The following KCNK9 variants were observed in gnomAD, a reference collection of about 807,000 sequenced individuals.
KCNK9 encodes potassium channel subfamily K member 9.
A neutral mutation model predicts 10.8 loss-of-function variants in KCNK9; 1 was observed. The ratio of observed to expected loss-of-function variants is 0.09; its 90% CI spans 0.03 to 0.44. The LOEUF is 0.44. Among genes scored for constraint, KCNK9 ranks in the 20% least tolerant of loss-of-function variants. The pLI, the probability that KCNK9 is intolerant of heterozygous loss-of-function variation, is 0.97. For synonymous variants in KCNK9, 231 were observed against 222.7 expected (o/e 1.04, Z -0.33); for missense variants, 303 against 515.0 (o/e 0.59, Z 3.98).
rs775101729 is a variant in KCNK9 at position 139,618,339 on chromosome 8, T to C, written c.1044A>G (p.Pro348=). The C allele has an allele frequency of 1.2e-6, 2 of 1,614,132 alleles. No individual in the cohort carries two copies. Among genetic ancestry groups the C allele is most frequent in the African/African-American group, 1.3e-5 (1 of 75,034 alleles). The change falls in exon 2 of 2, where the codon CCA becomes CCG. Residue 348 remains proline (P), a synonymous_variant. Transcript: ENST00000520439. This position sits in a 1 kb window ranked among gnomAD's most constrained non-coding sequence, Gnocchi z 7.9. Reference sequence around the variant, plus strand: ...CAGGAGAGATGGAGCTAATAGGCGATGGGAAGAGGCTGTTTTTTAATGTGC... The same window carrying C: ...CAGGAGAGATGGAGCTAATAGGCGACGGGAAGAGGCTGTTTTTTAATGTGC... The part of the protein sequence containing the change: ...SPSTLKNSLF[P]SPISSISPGL...
chr8:139,610,121 A>G (rs1362486002), downstream of KCNK9, among the ~76,000 whole-genome samples: 5 of 152,110 alleles, frequency 3.3e-5, no homozygotes, highest in Non-Finnish European at 5.9e-5. Context: ...AATCAAGCTC[A>G]TATTTCTAAG....
downstream of KCNK9, among the ~76,000 whole-genome samples, chr8:139,609,955 G>A (rs1814367596): frequency 6.6e-6 from 1 of 152,128 alleles, no homozygotes; most frequent in African/African-American, 2.4e-5. Context: ...GGAGTGGGAT[G>A]TCTTGCCCTA....
chr8:139,614,690 C>G (rs1814527301), downstream of KCNK9, among the ~76,000 whole-genome samples: 1 of 152,210 alleles, frequency 6.6e-6, no homozygotes, highest in Admixed American at 6.5e-5. Flanking sequence ...TGAAGGCCAA[C>G]ACAGCACTTT....
chr8:139,627,601 C>A (rs549928145), intron 1 of KCNK9, among the ~76,000 whole-genome samples: 1 of 152,358 alleles, frequency 6.6e-6, no homozygotes, highest in East Asian at 1.9e-4. Flanking sequence ...CCTGTCCTAC[C>A]CGGAGTGAGC....
At chr8:139,692,540 G>A (rs1816954595) in intron 1 of KCNK9, among the ~76,000 whole-genome samples, 1 of 152,160 alleles carries the variant, frequency 6.6e-6, no homozygotes, top group African/African-American at 2.4e-5. Flanking sequence ...CCTATGGCCT[G>A]AACATTGTCC....
At chr8:139,621,090 C>A (rs1274825757) in intron 1 of KCNK9, among the ~76,000 whole-genome samples, 1 of 152,124 alleles carries the variant, frequency 6.6e-6, no homozygotes, top group East Asian at 1.9e-4. Context: ...TGAGACCAGC[C>A]TGGCCAACAT....
chr8:139,631,017 C>T (rs1340196377), intron 1 of KCNK9, among the ~76,000 whole-genome samples: 1 of 152,236 alleles, frequency 6.6e-6, no homozygotes, highest in Non-Finnish European at 1.5e-5. Context: ...GGGCTCTGCG[C>T]AGCGCCGGCC....
rs573288579 is a variant in KCNK9, at chr8:139,627,953, T to G, written c.284-8854A>C. ...GGACGGTGGGCCAGGGTGACTCAAT[T>G]CTGAGTTTTAAAGAGAAGCCGAAAA... On this transcript the variant is annotated intron_variant, in intron 1 of 1. Coordinates refer to ENST00000520439, the MANE Select transcript of KCNK9 (RefSeq NM_001282534.2). Among the ~76,000 whole-genome samples the G allele has an allele frequency of 7.9e-5, 12 of 152,284 alleles. No homozygotes were observed. The South Asian group carries it at 2.5e-3, about 32-fold the overall frequency.
intron 1 of KCNK9, among the ~76,000 whole-genome samples, chr8:139,682,461 A>G (rs979484188): frequency 6.6e-6 from 1 of 152,304 alleles, no homozygotes; most frequent in Admixed American, 6.5e-5. Context: ...AGGGACACAT[A>G]GGAGAGACAT....
At chr8:139,620,076 T>C (rs1272539591) in intron 1 of KCNK9, among the ~76,000 whole-genome samples, 1 of 152,208 alleles carries the variant, frequency 6.6e-6, no homozygotes, top group African/African-American at 2.4e-5. Flanking sequence ...TGATGTTGAA[T>C]AGGTGAAGTC....
At chr8:139,700,256 C>T (rs962497530) in intron 1 of KCNK9, among the ~76,000 whole-genome samples, 5 of 152,122 alleles carry the variant, frequency 3.3e-5, no homozygotes, top group Admixed American at 1.3e-4. Context: ...AGCTGCAGCC[C>T]GCGGGATCTC....
chr8:139,680,335 A>C (rs1467886483), intron 1 of KCNK9, among the ~76,000 whole-genome samples: 1 of 152,070 alleles, frequency 6.6e-6, no homozygotes, highest in Non-Finnish European at 1.5e-5. Flanking sequence ...CCACCTCCCC[A>C]CCCGGATCTG....
At chr8:139,675,031 A>G (rs7846299) in intron 1 of KCNK9, among the ~76,000 whole-genome samples, 77,280 of 152,106 alleles carry the variant, frequency 0.51, 20,705 homozygotes, top group Admixed American at 0.62. Context: ...GTCAGCCACA[A>G]TGGATTCAAT....
chr8:139,629,362 A>T (rs905900746), intron 1 of KCNK9, among the ~76,000 whole-genome samples: 1 of 152,238 alleles, frequency 6.6e-6, no homozygotes, highest in African/African-American at 2.4e-5. Flanking sequence ...CTGTTCTTAA[A>T]GCATTTTTAG....
At chr8:139,604,287 T>C (rs1234077409) in intron 2 of KCNK9, among the ~76,000 whole-genome samples, 3 of 152,178 alleles carry the variant, frequency 2.0e-5, no homozygotes, top group South Asian at 2.1e-4. Flanking sequence ...GGCTCATGCT[T>C]CCCTGGGGGA....
intron 2 of KCNK9, among the ~76,000 whole-genome samples, chr8:139,606,048 A>G (rs1375429122): frequency 2.0e-5 from 3 of 152,148 alleles, no homozygotes; most frequent in African/African-American, 7.2e-5. Context: ...TTCTCTATGG[A>G]TGAGTTTGAA....
At chr8:139,639,359 C>T (rs1385002919) in intron 1 of KCNK9, among the ~76,000 whole-genome samples, 4 of 152,238 alleles carry the variant, frequency 2.6e-5, no homozygotes, top group South Asian at 4.1e-4. Context: ...GATGTGGCCC[C>T]GGGTGCTCTG....
At chr8:139,634,338 T>G (rs1815271895) in intron 1 of KCNK9, among the ~76,000 whole-genome samples, 1 of 152,102 alleles carries the variant, frequency 6.6e-6, no homozygotes, top group Non-Finnish European at 1.5e-5. Context: ...AACCTACCCC[T>G]CATGGGAAAG....
chr8:139,602,815 C>T (rs911648158), intron 2 of KCNK9, among the ~76,000 whole-genome samples: 1 of 152,222 alleles, frequency 6.6e-6, no homozygotes, highest in Non-Finnish European at 1.5e-5. Flanking sequence ...CCCCTGCAAG[C>T]TGGAACATCT....
Sources: gnomAD v4.1 joint callset for allele counts (sites outside exome capture counted in the v4.1 genomes callset) on GRCh38, gnomAD v4.1.1 for gene constraint, Gnocchi (gnomAD v3.1) non-coding constraint, MANE v1.5 for transcripts, NCBI Gene and HGNC (gene_info 2026-07-23, HGNC 2026-07-21) for gene names.